CDC14A: variants seen among roughly 807,000 people sequenced by gnomAD.
CDC14A encodes the protein dual specificity protein phosphatase CDC14A.
In CDC14A, 53 loss-of-function variants were observed where a neutral mutation model predicts 74.4. The observed-to-expected ratio is 0.71, with a 90% CI of 0.57 to 0.89. The LOEUF (loss-of-function observed/expected upper bound fraction) is 0.89. CDC14A is among the 40% of genes least tolerant of loss of function. CDC14A has a pLI of 0.00. For missense variants in CDC14A, 646 were observed against 713.7 expected (o/e 0.91, Z 1.08); for synonymous variants, 247 against 258.4 (o/e 0.96, Z 0.43).
chr1:100,447,832 G>T (rs529512537), intron 7 of CDC14A, among the ~76,000 whole-genome samples: 5 of 152,040 alleles, frequency 3.3e-5, no homozygotes, highest in African/African-American at 9.7e-5. Flanking sequence ...CTGTTTTTTT[G>T]GGGGGTAGCT....
At chr1:100,484,493 T>G in intron 11 of CDC14A, 42 bp downstream of exon 11, 1 of 1,554,226 alleles carries the variant, frequency 6.4e-7, no homozygotes, top group South Asian at 1.3e-5. Flanking sequence ...AAAACTGATG[T>G]TCTGCATTTG....
At chr1:100,515,533 G>A (rs1304227539) in intron 15 of CDC14A, among the ~76,000 whole-genome samples, 1 of 151,936 alleles carries the variant, frequency 6.6e-6, no homozygotes, top group African/African-American at 2.4e-5. Context: ...ACAGGAATGT[G>A]CCACCATGCC....
At chr1:100,421,856 C>T (rs13376475) in intron 4 of CDC14A, among the ~76,000 whole-genome samples, 2 of 152,182 alleles carry the variant, frequency 1.3e-5, no homozygotes, top group African/African-American at 4.8e-5. Flanking sequence ...TCTCCTCTCT[C>T]TCTTTTTAAT....
At chr1:100,440,932 C>T (rs539313167) in intron 6 of CDC14A, among the ~76,000 whole-genome samples, 2 of 152,294 alleles carry the variant, frequency 1.3e-5, no homozygotes, top group Admixed American at 6.5e-5. Context: ...TACAGAGATA[C>T]TCTAGCCCAC....
rs1666647399 is a variant in CDC14A, at chr1:100,456,030, G to A, written c.607+538G>A. ...GGGAGGAGTAAATTGAGCCTTATTA[G>A]TAGAGAATTTGCCCAAGGTCACAAA... is the stretch of plus-strand genomic sequence containing the variant. On this transcript the variant is annotated intron_variant, in intron 8 of 15. Transcript: ENST00000336454. Among the ~76,000 whole-genome samples the A allele has an allele frequency of 3.3e-5, 5 of 152,170 alleles. No homozygotes were observed. The South Asian group carries it at 8.3e-4, about 25-fold the overall frequency.
chr1:100,357,889 T>C (rs1297634533), intron 2 of CDC14A, among the ~76,000 whole-genome samples: 3 of 152,236 alleles, frequency 2.0e-5, no homozygotes, highest in African/African-American at 7.2e-5. Flanking sequence ...CAGATGTTTC[T>C]TTAGTTATGA....
chr1:100,492,579 T>C (rs1448351517), intron 11 of CDC14A, among the ~76,000 whole-genome samples: 2 of 152,226 alleles, frequency 1.3e-5, no homozygotes, highest in African/African-American at 4.8e-5. Context: ...TATTACTATG[T>C]AAACATTGTT....
Position 100,433,616 on chromosome 1 carries a change from T to A in CDC14A, c.390-6316T>A, listed in dbSNP as rs181457302. Among the ~76,000 whole-genome samples, 1,260 of 152,348 alleles carry A rather than the reference T, an allele frequency of 8.3e-3. 15 individuals are homozygous for A. Among genetic ancestry groups the A allele is most frequent in the African/African-American group, 0.029 (1,207 of 41,584 alleles). ...GTATTTTTTAATGTAGTCTCCACAT[T>A]GTAGACACTGTGCTTCTGTTCTCCA... On this transcript the variant is annotated intron_variant, in intron 5 of 15. Transcript: ENST00000336454.
chr1:100,424,463 C>T (rs1662718446), intron 5 of CDC14A, among the ~76,000 whole-genome samples, 162 bp downstream of exon 5: 3 of 152,062 alleles, frequency 2.0e-5, no homozygotes, highest in Admixed American at 6.6e-5. Flanking sequence ...GAGTTTTATC[C>T]CCCTAGCTAG....
intron 1 of CDC14A, 39 bp downstream of exon 1, chr1:100,353,042 G>GC: frequency 6.2e-7 from 1 of 1,607,332 alleles, no homozygotes; most frequent in Non-Finnish European, 8.5e-7. Flanking sequence ...ACGCTTTCTT[G>GC]CCCCCAACTC....
chr1:100,418,270 G>A (rs920862436), intron 4 of CDC14A, among the ~76,000 whole-genome samples: 13 of 152,154 alleles, frequency 8.5e-5, no homozygotes, highest in African/African-American at 3.1e-4. Context: ...AGTCTAAAGG[G>A]TAAGGGAAAA....
At chr1:100,348,453 T>C (rs1008211948), upstream of CDC14A, among the ~76,000 whole-genome samples, 5 of 152,222 alleles carry the variant, frequency 3.3e-5, no homozygotes, top group Non-Finnish European at 5.9e-5. Context: ...TTTATGTTTT[T>C]CATTTCTTTT....
At chr1:100,461,443 G>C (rs1667305697) in intron 8 of CDC14A, among the ~76,000 whole-genome samples, 1 of 152,220 alleles carries the variant, frequency 6.6e-6, no homozygotes, top group Non-Finnish European at 1.5e-5. Flanking sequence ...CACTTTGCTG[G>C]CTGCCGCCAC....
upstream of CDC14A, among the ~76,000 whole-genome samples, chr1:100,349,054 C>T (rs1298346428): frequency 2.6e-5 from 4 of 152,102 alleles, no homozygotes; most frequent in Admixed American, 6.5e-5. Flanking sequence ...AATTAACCGG[C>T]GTGGTGGCGC....
intron 10 of CDC14A, among the ~76,000 whole-genome samples, chr1:100,468,600 C>G (rs1439704496): frequency 6.6e-6 from 1 of 152,210 alleles, no homozygotes; most frequent in Non-Finnish European, 1.5e-5. Context: ...AGTTTTAGTT[C>G]TGGCTCTCCA....
intron 15 of CDC14A, among the ~76,000 whole-genome samples, chr1:100,505,955 G>A (rs1414800147): frequency 1.3e-5 from 2 of 152,078 alleles, no homozygotes; most frequent in Non-Finnish European, 2.9e-5. Flanking sequence ...ACAAGAGAAA[G>A]GGAGGATGTG....
At chr1:100,447,547 A>G (rs939663331) in intron 7 of CDC14A, among the ~76,000 whole-genome samples, 1 of 152,254 alleles carries the variant, frequency 6.6e-6, no homozygotes, top group African/African-American at 2.4e-5. Context: ...TTCTCAAAGA[A>G]TATGTACCTT....
intron 14 of CDC14A, 35 bp downstream of exon 14, chr1:100,498,242 T>G: frequency 6.2e-7 from 1 of 1,604,524 alleles, no homozygotes. Context: ...GGTGCTGGTT[T>G]GAGGTAAAGG....
At chr1:100,444,061 A>G (rs916623993) in intron 7 of CDC14A, among the ~76,000 whole-genome samples, 1 of 152,200 alleles carries the variant, frequency 6.6e-6, no homozygotes, top group Non-Finnish European at 1.5e-5. Flanking sequence ...AACATATCTG[A>G]AAAGAAACTG....
Sources: gnomAD v4.1 joint callset for allele counts (sites outside exome capture counted in the v4.1 genomes callset) on GRCh38, gnomAD v4.1.1 for gene constraint, MANE v1.5 for transcripts, NCBI Gene and HGNC (gene_info 2026-07-23, HGNC 2026-07-21) for gene names.